Variants in MAP7D3 observed in about 807,000 individuals in gnomAD.
MAP7D3 encodes MAP7 domain-containing protein 3.
MAP7D3 carries 45 observed loss-of-function variants against 62.2 expected under a neutral mutation model. The observed-to-expected ratio is 0.72, with a 90% CI of 0.57 to 0.93. MAP7D3 has a LOEUF of 0.93. Ranked by LOEUF, MAP7D3 falls within the 40% of genes least tolerant of loss-of-function variation. The pLI is 0.00. For missense variants in MAP7D3, 711 were observed against 683.1 expected, an observed-to-expected ratio of 1.04 and a Z score of -0.45; for synonymous variants, 288 against 248.8, an observed-to-expected ratio of 1.16 and a Z score of -1.48.
At position 136,250,281 on chromosome X, in the gene MAP7D3, C is replaced by T. The variant is rs191434611; in HGVS notation, c.70+1008G>A. Among the ~76,000 whole-genome samples the T allele has an allele frequency of 8.8e-3, 987 of 111,784 alleles. 5 individuals are homozygous for T. The highest frequency in any genetic ancestry group is 0.032 in the Middle Eastern group (7 of 216). On this transcript the variant is annotated intron_variant, in intron 1 of 18. Coordinates refer to ENST00000316077, the MANE Select transcript of MAP7D3 (RefSeq NM_024597.4). ...TTTTTAATTGCAAATGCAAAAAAAC[C>T]CCTAAGAAATTCAATTAAAATTAAT...
At chrX:136,240,596 T>C (rs767641268) in intron 5 of MAP7D3, 110 bp from the exon 6 acceptor site, 1 of 496,338 alleles carries the variant, frequency 2.0e-6, no homozygotes, top group Non-Finnish European at 3.5e-6. Context: ...CAGACTTACA[T>C]TACTCAAGTT....
At chrX:136,245,925 T>C in intron 3 of MAP7D3, 140 bp downstream of exon 3, 1 of 363,831 alleles carries the variant, frequency 2.7e-6, no homozygotes, top group East Asian at 4.5e-5. Context: ...CCTGATTTAG[T>C]AAAAGGATTT....
intron 7 of MAP7D3, among the ~76,000 whole-genome samples, chrX:136,234,240 G>C (rs374282872): frequency 2.7e-5 from 3 of 110,017 alleles, no homozygotes; most frequent in East Asian, 5.7e-4. Flanking sequence ...TTACTGGGTG[G>C]GGGGGGTGGT....
intron 6 of MAP7D3, among the ~76,000 whole-genome samples, chrX:136,238,464 T>C (rs1004743878): frequency 8.9e-6 from 1 of 112,409 alleles, no homozygotes; most frequent in Non-Finnish European, 1.9e-5. Context: ...TACATAAACA[T>C]GGCATTGCAA....
At chrX:136,254,276 G>C (rs1039068018), upstream of MAP7D3, among the ~76,000 whole-genome samples, 5 of 108,302 alleles carry the variant, frequency 4.6e-5, no homozygotes, top group Non-Finnish European at 7.7e-5. Flanking sequence ...GTAGAGACGG[G>C]GTTTTGCCAT....
At chrX:136,251,547 G>C, upstream of MAP7D3, 4 of 834,072 alleles carry the variant, frequency 4.8e-6, no homozygotes, top group Non-Finnish European at 5.8e-6. Context: ...TGCGTCCCAC[G>C]TCCTGACCGG....
At chrX:136,214,856 A>G (rs939644417), downstream of MAP7D3, 2 of 112,019 alleles carry the variant, frequency 1.8e-5, no homozygotes, top group African/African-American at 6.5e-5. Context: ...CGAGGCAGCA[A>G]TGCGTGAGGG....
At chrX:136,229,557 A>ACAC (rs1212124730) in intron 10 of MAP7D3, among the ~76,000 whole-genome samples, 1 of 110,425 alleles carries the variant, frequency 9.1e-6, no homozygotes, top group South Asian at 3.9e-4. Context: ...AAATCAAGGG[A>ACAC]CACCACATTA....
chrX:136,227,269 G>A lies in MAP7D3; in HGVS notation c.2034+15C>T. 8.3e-7 allele frequency: 1 copy of A among 1,206,303 alleles called. No homozygotes were observed. The highest frequency in any genetic ancestry group is 1.1e-6 in the Non-Finnish European group (1 of 891,873). Reference sequence around the variant, plus strand: ...TCTGGTTCTCATCCCCTGATAAAGTGTCAAGTCAGCAAACCTGCAGTGGTG... The same window carrying A: ...TCTGGTTCTCATCCCCTGATAAAGTATCAAGTCAGCAAACCTGCAGTGGTG... On this transcript the variant is annotated intron_variant, in intron 12 of 18. Coordinates refer to ENST00000316077, the MANE Select transcript of MAP7D3 (RefSeq NM_024597.4).
At chrX:136,249,527 AATAT>A (rs1175595306) in intron 1 of MAP7D3, among the ~76,000 whole-genome samples, 2 of 112,103 alleles carry the variant, frequency 1.8e-5, no homozygotes, top group African/African-American at 6.5e-5. Context: ...TCACTCAACA[AATAT>A]ATATTTACAC....
At chrX:136,255,973 G>T (rs1183758311), upstream of MAP7D3, 1 of 541,256 alleles carries the variant, frequency 1.8e-6, no homozygotes, top group Non-Finnish European at 2.2e-6. Context: ...TAAACATTTA[G>T]TGAGCTTACC....
intron 4 of MAP7D3, among the ~76,000 whole-genome samples, chrX:136,242,156 G>A (rs371529963): frequency 5.4e-5 from 6 of 111,959 alleles, no homozygotes; most frequent in African/African-American, 1.9e-4. Context: ...AAAAGCAACC[G>A]CAATTCTTAA....
At chrX:136,251,038 G>A (rs906860570) in intron 1 of MAP7D3, among the ~76,000 whole-genome samples, 4 of 112,523 alleles carry the variant, frequency 3.6e-5, no homozygotes, top group Non-Finnish European at 7.5e-5. Context: ...ACCGTTGGCA[G>A]CGGCAGTTCG....
At chrX:136,228,335 T>C (rs187350515) in intron 11 of MAP7D3, among the ~76,000 whole-genome samples, 19 of 112,097 alleles carry the variant, frequency 1.7e-4, no homozygotes, top group Non-Finnish European at 2.6e-4. Flanking sequence ...TGCTGAGAGA[T>C]CAAATCCTGA....
chrX:136,222,490 C>T lies in MAP7D3; in HGVS notation c.2194-4G>A, dbSNP rs756568688. On this transcript the variant is annotated splice_polypyrimidine_tract_variant and splice_region_variant and intron_variant, in intron 14 of 18. Transcript: ENST00000316077. ...CATGGCTGGATGTTTCTGTGACCTACGATTAAAAAAGGAAATCTTGATTAT... is the reference window on the plus strand; with the variant it reads ...CATGGCTGGATGTTTCTGTGACCTATGATTAAAAAAGGAAATCTTGATTAT... The T allele has an allele frequency of 2.0e-5, 24 of 1,177,971 alleles. No homozygotes were observed. The South Asian group carries it at 2.9e-4, about 14-fold the overall frequency.
intron 13 of MAP7D3, 144 bp downstream of exon 13, chrX:136,225,765 C>A: frequency 2.3e-6 from 1 of 434,930 alleles, no homozygotes; most frequent in African/African-American, 2.5e-5. Context: ...GAAGTCAGAT[C>A]CTTGGATAAG....
chrX:136,251,508 G>A, upstream of MAP7D3: 1 of 842,443 alleles, frequency 1.2e-6, no homozygotes, highest in Non-Finnish European at 1.4e-6. Flanking sequence ...CGCCCGCCTC[G>A]GACCTGCGAA....
upstream of MAP7D3, chrX:136,251,602 C>G (rs1024396663): frequency 2.8e-4 from 220 of 792,025 alleles, no homozygotes; most frequent in Non-Finnish European, 3.1e-4. Context: ...TCCTATGTTC[C>G]GTGCTCTGCC....
chrX:136,213,447 T>C (rs1414992049), downstream of MAP7D3: 3 of 110,723 alleles, frequency 2.7e-5, no homozygotes, highest in Non-Finnish European at 5.7e-5. Flanking sequence ...CTCTGCCACT[T>C]TGTAGTCATG....
Sources: gnomAD v4.1 joint callset for allele counts (sites outside exome capture counted in the v4.1 genomes callset) on GRCh38, gnomAD v4.1.1 for gene constraint, MANE v1.5 for transcripts, NCBI Gene and HGNC (gene_info 2026-07-23, HGNC 2026-07-21) for gene names.